Variants in DOCK3 observed in about 807,000 individuals in gnomAD.
The protein encoded by DOCK3 is dedicator of cytokinesis protein 3.
DOCK3 carries 60 observed loss-of-function variants against 265.6 expected under a neutral mutation model. The ratio of observed to expected loss-of-function variants is 0.23; its 90% CI spans 0.18 to 0.28. The LOEUF is 0.28. DOCK3 is among the 10% of genes least tolerant of loss of function. DOCK3 has a pLI of 1.00. For missense variants in DOCK3, 1,981 were observed against 2,594.3 expected, an observed-to-expected ratio of 0.76 and a Z score of 5.14; for synonymous variants, 881 against 938.0, an observed-to-expected ratio of 0.94 and a Z score of 1.11.
At chr3:51,167,275 G>T (rs2086455286) in intron 12 of DOCK3, among the ~76,000 whole-genome samples, 4 of 152,038 alleles carry the variant, frequency 2.6e-5, no homozygotes, top group Admixed American at 2.6e-4. Context: ...GTTTATTTCT[G>T]GGATCTGTAT....
intron 9 of DOCK3, among the ~76,000 whole-genome samples, chr3:51,127,361 C>G (rs1333550140): frequency 6.6e-6 from 1 of 152,148 alleles, no homozygotes; most frequent in South Asian, 2.1e-4. Context: ...AAGTCCACCC[C>G]TTGTCAACTT....
chr3:50,829,794 A>G (rs541587229), intron 2 of DOCK3, among the ~76,000 whole-genome samples: 71 of 152,342 alleles, frequency 4.7e-4, no homozygotes, highest in African/African-American at 1.6e-3. Context: ...AAATATCTTG[A>G]TCAGTGGCAG....
At chr3:51,071,980 T>G (rs1371974266) in intron 6 of DOCK3, among the ~76,000 whole-genome samples, 1 of 152,150 alleles carries the variant, frequency 6.6e-6, no homozygotes, top group African/African-American at 2.4e-5. Context: ...CTCTTTTTGG[T>G]TTTTACCAGA....
At chr3:50,980,146 G>T (rs1270404060) in intron 5 of DOCK3, among the ~76,000 whole-genome samples, 1 of 152,102 alleles carries the variant, frequency 6.6e-6, no homozygotes, top group Admixed American at 6.5e-5. Flanking sequence ...TGCGTAATTT[G>T]TTGAGGGTTT....
chr3:51,196,799 G>A (rs944027578), intron 12 of DOCK3, among the ~76,000 whole-genome samples: 2 of 152,026 alleles, frequency 1.3e-5, no homozygotes, highest in Non-Finnish European at 2.9e-5. Context: ...TTCTGGATTC[G>A]CTTGTATCTC....
Position 51,359,558 on chromosome 3 carries a change from C to T in DOCK3, c.4885-953C>T, listed in dbSNP as rs1274531526. ...AGGGTCTCCTGCCTGTTTGACTGGT[C>T]TCTGCTGTGTGCAAACTTCCCCATC... is the stretch of plus-strand genomic sequence containing the variant. On this transcript the variant is annotated intron_variant, in intron 46 of 52. Coordinates refer to ENST00000266037, the MANE Select transcript of DOCK3 (RefSeq NM_004947.5). This position sits in a 1 kb window ranked among gnomAD's most constrained non-coding sequence, Gnocchi z 4.8. Among the ~76,000 whole-genome samples, 1 of 152,198 alleles carries T rather than the reference C, an allele frequency of 6.6e-6. No individual in the cohort carries two copies. The highest frequency in any genetic ancestry group is 1.5e-5 in the Non-Finnish European group (1 of 68,042).
At chr3:50,870,122 C>T (rs924847362) in intron 3 of DOCK3, among the ~76,000 whole-genome samples, 5 of 151,980 alleles carry the variant, frequency 3.3e-5, no homozygotes, top group East Asian at 1.9e-4. Context: ...AATATCTATT[C>T]GATTCATTTC....
chr3:50,734,937 G>A (rs192858512), intron 1 of DOCK3, among the ~76,000 whole-genome samples: 146 of 152,264 alleles, frequency 9.6e-4, no homozygotes, highest in African/African-American at 3.3e-3. Context: ...ATTTTCATGT[G>A]TGTGTTAGCA....
At chr3:51,083,146 A>T (rs1479984808) in intron 7 of DOCK3, among the ~76,000 whole-genome samples, 1 of 152,190 alleles carries the variant, frequency 6.6e-6, no homozygotes, top group African/African-American at 2.4e-5. Context: ...GCATCTACTA[A>T]CAACCACAGT....
chr3:50,781,203 A>T (rs2041894076), intron 2 of DOCK3, among the ~76,000 whole-genome samples: 1 of 151,708 alleles, frequency 6.6e-6, no homozygotes, highest in East Asian at 1.9e-4. Flanking sequence ...ACCAAAAAAT[A>T]AAAAATAAAA....
intron 4 of DOCK3, among the ~76,000 whole-genome samples, chr3:50,892,128 C>T (rs1044342234): frequency 1.3e-5 from 2 of 152,012 alleles, no homozygotes; most frequent in Non-Finnish European, 2.9e-5. Flanking sequence ...CACTGGAGAA[C>T]AATTGGTTGG....
intron 4 of DOCK3, among the ~76,000 whole-genome samples, chr3:50,896,020 C>T (rs1157983011): frequency 6.6e-6 from 1 of 152,026 alleles, no homozygotes; most frequent in Non-Finnish European, 1.5e-5. Flanking sequence ...ATTTATAATC[C>T]TTTGTGTATA....
At position 51,075,383 on chromosome 3, in the gene DOCK3, G is replaced by A. The variant is rs1285866025; in HGVS notation, c.492G>A (p.Arg164=). The change falls in exon 7 of 53, where the codon CGG becomes CGA. Residue 164 remains arginine, a synonymous_variant. Transcript: ENST00000266037. ...NEHLGLDLVP[R]KDFEVVDSDQ... ...ATTTGGGCCTGGACCTGGTGCCTCG[G>A]AAGGACTTTGAAGTAGTGGACTCGG... 6.2e-7 allele frequency: 1 copy of A among 1,611,290 alleles called. No individual in the cohort carries two copies. The highest frequency in any genetic ancestry group is 1.1e-5 in the South Asian group (1 of 90,124).
At chr3:51,341,055 G>A (rs2085203219) in intron 37 of DOCK3, among the ~76,000 whole-genome samples, 182 bp from the exon 38 acceptor site, 1 of 152,244 alleles carries the variant, frequency 6.6e-6, no homozygotes, top group Non-Finnish European at 1.5e-5. Context: ...TTCATGCTGT[G>A]GACAAGGGTT....
chr3:50,687,671 AT>A (rs2034924888), intron 1 of DOCK3, among the ~76,000 whole-genome samples: 1 of 152,176 alleles, frequency 6.6e-6, no homozygotes, highest in Non-Finnish European at 1.5e-5. Context: ...ATTTTTTGTC[AT>A]TTTTTGACAC....
chr3:50,936,236 A>G (rs910182913), intron 5 of DOCK3, among the ~76,000 whole-genome samples: 1 of 152,072 alleles, frequency 6.6e-6, no homozygotes, highest in Non-Finnish European at 1.5e-5. Context: ...AAGATAGCTC[A>G]CTAGAAATTC....
chr3:51,244,925 C>CA (rs1391576280), intron 21 of DOCK3, among the ~76,000 whole-genome samples: 2 of 151,718 alleles, frequency 1.3e-5, no homozygotes, highest in African/African-American at 4.8e-5. Flanking sequence ...GAGAAACATT[C>CA]GAATAGCTAA....
intron 1 of DOCK3, among the ~76,000 whole-genome samples, chr3:50,687,242 C>G (rs2034890321): frequency 6.6e-6 from 1 of 152,030 alleles, no homozygotes; most frequent in Non-Finnish European, 1.5e-5. Flanking sequence ...AAAAAAATCT[C>G]TGCTAAATCC....
Position 51,239,824 on chromosome 3 carries a change from A to G in DOCK3, c.2102+2234A>G, listed in dbSNP as rs145863531. Among the ~76,000 whole-genome samples, 36 of 151,756 alleles carry G rather than the reference A, an allele frequency of 2.4e-4. No homozygotes were observed. The East Asian group carries it at 5.4e-3, about 23-fold the overall frequency. ...TATCCCCCTTTTCATTTCTGATTGTATTTATTAGAATATTCTCTTTTTTCT... is the reference window on the plus strand; with the variant it reads ...TATCCCCCTTTTCATTTCTGATTGTGTTTATTAGAATATTCTCTTTTTTCT... On this transcript the variant is annotated intron_variant, in intron 21 of 52. Transcript: ENST00000266037.
Sources: gnomAD v4.1 joint callset for allele counts (sites outside exome capture counted in the v4.1 genomes callset) on GRCh38, gnomAD v4.1.1 for gene constraint, Gnocchi (gnomAD v3.1) non-coding constraint, MANE v1.5 for transcripts, NCBI Gene and HGNC (gene_info 2026-07-23, HGNC 2026-07-21) for gene names.